The following DNAH8 variants were observed in gnomAD, a reference collection of about 807,000 sequenced individuals.
DNAH8 encodes the protein dynein axonemal heavy chain 8.
A neutral mutation model predicts 562.1 loss-of-function variants in DNAH8; 382 were observed. That is an observed-to-expected ratio of 0.68 (90% CI 0.63 to 0.74). The LOEUF (loss-of-function observed/expected upper bound fraction) is 0.74, where lower values mean the gene tolerates loss of function less well. Among genes scored for constraint, DNAH8 ranks in the 30% least tolerant of loss-of-function variants. The pLI is 0.00. For synonymous variants in DNAH8, 1,881 were observed against 1,919.4 expected, an observed-to-expected ratio of 0.98 and a Z score of 0.52; for missense variants, 5,203 against 5,620.4, an observed-to-expected ratio of 0.93 and a Z score of 2.37.
intron 41 of DNAH8, among the ~76,000 whole-genome samples, chr6:38,855,742 C>T (rs1045663502): frequency 1.3e-5 from 2 of 152,156 alleles, no homozygotes; most frequent in African/African-American, 4.8e-5. Context: ...ACCACCCCCA[C>T]CCGGCCCGGC....
intron 87 of DNAH8, among the ~76,000 whole-genome samples, chr6:38,986,235 T>C (rs1027647189): frequency 6.6e-6 from 1 of 152,196 alleles, no homozygotes; most frequent in Non-Finnish European, 1.5e-5. Context: ...ATAGTTAAGT[T>C]ACCTGTTGTA....
chr6:38,974,938 C>T (rs1763578837), intron 85 of DNAH8, among the ~76,000 whole-genome samples: 1 of 152,208 alleles, frequency 6.6e-6, no homozygotes, highest in Non-Finnish European at 1.5e-5. Context: ...ATACTAACAA[C>T]CACATTTCAA....
intron 12 of DNAH8, among the ~76,000 whole-genome samples, chr6:38,771,521 C>A (rs987378331): frequency 2.6e-5 from 4 of 152,122 alleles, no homozygotes; most frequent in African/African-American, 9.7e-5. Context: ...CTAAAAGAAA[C>A]CTTATGTCCA....
chr6:38,734,409 A>G (rs1763918085), intron 4 of DNAH8, 65 bp from the exon 5 acceptor site: 4 of 1,514,166 alleles, frequency 2.6e-6, no homozygotes, highest in South Asian at 1.2e-5. Flanking sequence ...TGTAAGAGCC[A>G]CAGTAACTTA....
At chr6:38,855,476 A>ATGTATTTAT (rs1776123657) in intron 41 of DNAH8, among the ~76,000 whole-genome samples, 1 of 152,184 alleles carries the variant, frequency 6.6e-6, no homozygotes, top group South Asian at 2.1e-4. Flanking sequence ...TACGTTATTT[A>ATGTATTTAT]TGTATTTATT....
At chr6:38,845,860 A>G in intron 36 of DNAH8, 87 bp downstream of exon 36, 2 of 1,098,890 alleles carry the variant, frequency 1.8e-6, no homozygotes, top group Non-Finnish European at 2.7e-6. Context: ...AAGCTCTTTC[A>G]TTGGATGGAT....
chr6:38,878,980 G>T (rs1339551403), intron 53 of DNAH8, among the ~76,000 whole-genome samples: 2 of 151,898 alleles, frequency 1.3e-5, no homozygotes, highest in African/African-American at 4.8e-5. Flanking sequence ...ATAACATTTT[G>T]TTCCCCATAA....
At chr6:38,923,354 A>C (rs942000803) in intron 72 of DNAH8, 169 bp downstream of exon 72, 36 of 756,882 alleles carry the variant, frequency 4.8e-5, no homozygotes, top group Non-Finnish European at 6.6e-5. Context: ...ATTTTGTGAA[A>C]TATTTTACAT....
rs972829158 is a variant in DNAH8 at position 39,012,238 on chromosome 6, G to A, written c.13395G>A (p.Met4465Ile). The change falls in exon 90 of 93, where the codon ATG becomes ATA. Residue 4465 changes from methionine (M) to isoleucine (I), a missense_variant. By Grantham distance (10) the Met-to-Ile change is conservative. Transcript: ENST00000327475. The stretch of plus-strand genomic sequence containing the variant: ...AGGTGAAATCTCGTTTGATAAAGAT[G>A]GGCCATCTTAATTCAATGAACATAT... ...PHEVKSRLIK[M>I]GHLNSMNIFL... 1.2e-5 allele frequency: 19 copies of A among 1,608,872 alleles called. No individual in the cohort carries two copies. Among genetic ancestry groups the A allele is most frequent in the Non-Finnish European group, 1.4e-5 (16 of 1,176,686 alleles).
At chr6:38,838,117 A>C (rs1774453268) in intron 33 of DNAH8, 75 bp downstream of exon 33, 1 of 942,650 alleles carries the variant, frequency 1.1e-6, no homozygotes, top group Non-Finnish European at 1.6e-6. Flanking sequence ...TGTCACCATT[A>C]AATCCTTTAT....
chr6:38,949,787 A>C (rs879841350), intron 81 of DNAH8, among the ~76,000 whole-genome samples: 7 of 152,208 alleles, frequency 4.6e-5, no homozygotes, highest in Non-Finnish European at 1.0e-4. Context: ...AGCAAAATAA[A>C]ATGGTGATGG....
At chr6:38,832,189 T>C (rs1450282410) in intron 30 of DNAH8, 133 bp from the exon 31 acceptor site, 1 of 619,122 alleles carries the variant, frequency 1.6e-6, no homozygotes, top group Non-Finnish European at 2.8e-6. Context: ...ATTAATATAT[T>C]TTATTACAAG....
chr6:38,823,797 ATATAATAATAATAATATACCAAGGT>A (rs1773083294), intron 28 of DNAH8, 109 bp downstream of exon 28: 1 of 521,816 alleles, frequency 1.9e-6, no homozygotes, highest in African/African-American at 1.9e-5. Context: ...TTATACCAAG[ATATAATAATAATAATATACCAAGGT>A]TATAATAATA....
chr6:38,779,413 A>G (rs1768371757), intron 14 of DNAH8, among the ~76,000 whole-genome samples: 1 of 151,422 alleles, frequency 6.6e-6, no homozygotes. Flanking sequence ...CTCTCTTTTT[A>G]CCTGTAGTAT....
At chr6:38,806,955 G>A (rs1310545884) in intron 23 of DNAH8, among the ~76,000 whole-genome samples, 2 of 152,074 alleles carry the variant, frequency 1.3e-5, no homozygotes, top group African/African-American at 4.8e-5. Context: ...AGAGGGGCCG[G>A]GTTCTAGAGC....
intron 32 of DNAH8, 67 bp downstream of exon 32, chr6:38,834,708 G>A: frequency 7.9e-7 from 1 of 1,263,182 alleles, no homozygotes; most frequent in Non-Finnish European, 1.1e-6. Flanking sequence ...GGGAAAGATG[G>A]AGGTTTTACT....
intron 79 of DNAH8, among the ~76,000 whole-genome samples, chr6:38,939,207 A>G (rs1284367163): frequency 6.6e-6 from 1 of 152,192 alleles, no homozygotes; most frequent in Admixed American, 6.5e-5. Flanking sequence ...TATTGGTATT[A>G]TTGTAGTTAT....
rs1366618918 is a variant in DNAH8 at position 38,996,377 on chromosome 6, G to T, written c.13214+6205G>T. ...CAATATGCCACATATATGTTGTCTA[G>T]ACCTTTCCTCTGTGCTCCACAGTCA... On this transcript the variant is annotated intron_variant, in intron 88 of 92. Coordinates refer to ENST00000327475, the MANE Select transcript of DNAH8 (RefSeq NM_001206927.2). Among the ~76,000 whole-genome samples, 7 of 152,056 alleles carry T rather than the reference G, an allele frequency of 4.6e-5. 1 individual carries two copies. The highest frequency in any genetic ancestry group is 1.4e-4 in the African/African-American group (6 of 41,392).
At chr6:39,015,100 G>A (rs1340685778) in intron 91 of DNAH8, among the ~76,000 whole-genome samples, 1 of 152,088 alleles carries the variant, frequency 6.6e-6, no homozygotes, top group Non-Finnish European at 1.5e-5. Context: ...GCACTGGAGA[G>A]GTATGTTGGC....
Sources: gnomAD v4.1 joint callset for allele counts (sites outside exome capture counted in the v4.1 genomes callset) on GRCh38, gnomAD v4.1.1 for gene constraint, MANE v1.5 for transcripts, NCBI Gene and HGNC (gene_info 2026-07-23, HGNC 2026-07-21) for gene names.